Variants in PPP2R2B observed in about 807,000 individuals in gnomAD.
PPP2R2B encodes protein phosphatase 2 regulatory subunit Bbeta.
A neutral mutation model predicts 46.0 loss-of-function variants in PPP2R2B; 5 were observed. That is an observed-to-expected ratio of 0.11 (90% CI 0.06 to 0.23). PPP2R2B has a LOEUF of 0.23. PPP2R2B is among the 10% of genes least tolerant of loss of function. The pLI is 1.00. For synonymous variants in PPP2R2B, 215 were observed against 206.7 expected, an observed-to-expected ratio of 1.04 and a Z score of -0.34; for missense variants, 367 against 575.0, an observed-to-expected ratio of 0.64 and a Z score of 3.70.
intron 1 of PPP2R2B, among the ~76,000 whole-genome samples, chr5:146,982,426 T>A (rs1753219586): frequency 6.6e-6 from 1 of 152,230 alleles, no homozygotes; most frequent in Non-Finnish European, 1.5e-5. Flanking sequence ...TGATTTTAAT[T>A]CTTTAAAATT....
At chr5:146,848,827 G>A (rs1483762334) in intron 2 of PPP2R2B, among the ~76,000 whole-genome samples, 2 of 150,976 alleles carry the variant, frequency 1.3e-5, no homozygotes, top group Non-Finnish European at 2.9e-5. Flanking sequence ...AATTTATCTG[G>A]AGTTCTGCAT....
rs1758793466 is a variant in PPP2R2B, at chr5:146,829,550, T to TGCTGTCATGCTTTAAGGAAGTTTCTG, written c.70+48426_70+48451dup. Among the ~76,000 whole-genome samples, 3 of 152,208 alleles carry TGCTGTCATGCTTTAAGGAAGTTTCTG rather than the reference T, an allele frequency of 2.0e-5. No individual in the cohort carries two copies. In the East Asian group the frequency reaches 5.8e-4, roughly 29 times the overall value. On this transcript the variant is annotated intron_variant, in intron 2 of 9. Transcript: ENST00000394411. ...GGTGGGGCTGTGATGGGGAGCACTC[T>TGCTGTCATGCTTTAAGGAAGTTTCTG]GCTGTCATGCTTTAAGGAAGTTTCT...
chr5:146,777,846 T>C (rs571081634), intron 2 of PPP2R2B, among the ~76,000 whole-genome samples: 9 of 152,302 alleles, frequency 5.9e-5, no homozygotes, highest in African/African-American at 2.2e-4. Flanking sequence ...TTGTATCAGT[T>C]CTACCTAAAC....
Position 147,049,197 on chromosome 5 carries a change from C to T in PPP2R2B, c.79+6468G>A, listed in dbSNP as rs377061539. Among the ~76,000 whole-genome samples, 7 of 151,856 alleles carry T rather than the reference C, an allele frequency of 4.6e-5. No homozygotes were observed. The East Asian group carries it at 7.7e-4, about 17-fold the overall frequency. On this transcript the variant is annotated intron_variant, in intron 1 of 8. Transcript: ENST00000336640. Reference sequence around the variant, plus strand: ...CATTTGAATGATGGATGTGATAAGACGCAATTGGATTCCTGATATTTTTAG... The same window carrying T: ...CATTTGAATGATGGATGTGATAAGATGCAATTGGATTCCTGATATTTTTAG...
Position 147,050,339 on chromosome 5 carries a change from A to G in PPP2R2B, c.79+5326T>C, listed in dbSNP as rs576930676. On this transcript the variant is annotated intron_variant, in intron 1 of 8. Coordinates refer to the PPP2R2B transcript ENST00000336640. ...TGCATTTATAAGATGAGAATGATGG[A>G]TGAGAAAATGAGTAGTCAGGGAAAG... is the stretch of plus-strand genomic sequence containing the variant. 5.3e-5 allele frequency among the ~76,000 whole-genome samples: 8 copies of G among 152,264 alleles called. No homozygotes were observed. In the South Asian group the frequency reaches 1.7e-3, roughly 32 times the overall value.
chr5:146,701,025 T>C lies in PPP2R2B; in HGVS notation c.168+20A>G. ...TTAAAAAGTGAAGAAAATGGGCATT[T>C]TGCATTCACCACCACTTACCTCCTG... On this transcript the variant is annotated intron_variant, in intron 3 of 9. Transcript: ENST00000394411. The C allele has an allele frequency of 6.3e-7, 1 of 1,583,596 alleles. No individual in the cohort carries two copies. Among genetic ancestry groups the C allele is most frequent in the Non-Finnish European group, 8.7e-7 (1 of 1,152,400 alleles).
At position 146,878,644 on chromosome 5, in the gene PPP2R2B, G is replaced by A. The variant is rs1247024085; in HGVS notation, c.-178C>T. 2 of 1,260,688 alleles carry A rather than the reference G, an allele frequency of 1.6e-6. No individual in the cohort carries two copies. Among genetic ancestry groups the A allele is most frequent in the Admixed American group, 2.8e-5 (1 of 36,272 alleles). The allele number at this position is 1,260,688 out of a possible 1,614,324, so 78.1% of individuals were successfully genotyped here. A position where few individuals can be genotyped will look rare whatever the true frequency, so the allele number is the denominator to read the frequency against. On this transcript the variant is annotated 5_prime_UTR_variant, in exon 1 of 10. Coordinates refer to ENST00000394411, the MANE Select transcript of PPP2R2B (RefSeq NM_181675.4). The surrounding 1 kb of genome is among the most constrained non-coding windows in gnomAD (Gnocchi z 4.5). ...GGGAGGGCGGCTCCGGCAGGCGGGG[G>A]TAGGGAAGCTGGCGGGGAGCTGGGC...
In PPP2R2B at chr5:146,739,368, A is replaced by G. The variant is rs541083650; in HGVS notation, c.71-38226T>C. On this transcript the variant is annotated intron_variant, in intron 2 of 9. Transcript: ENST00000394411. ...AGAGAAATTAGGGGAAGCATCGTGG[A>G]GAAAGCATTCCAAACCCAGTGTTAA... 3.3e-5 allele frequency among the ~76,000 whole-genome samples: 5 copies of G among 152,304 alleles called. No individual in the cohort carries two copies. In the East Asian group the frequency reaches 9.7e-4, roughly 29 times the overall value.
At chr5:146,883,147 C>G (rs1415722955), upstream of PPP2R2B, among the ~76,000 whole-genome samples, 1 of 152,300 alleles carries the variant, frequency 6.6e-6, no homozygotes, top group South Asian at 2.1e-4. Flanking sequence ...GTTTGTGTCC[C>G]AGCTCAGGCA....
intron 8 of PPP2R2B, among the ~76,000 whole-genome samples, chr5:146,596,013 T>A (rs1327364826): frequency 2.6e-5 from 4 of 152,178 alleles, no homozygotes; most frequent in Non-Finnish European, 5.9e-5. Context: ...GTTGACAAAC[T>A]TTTTCTCCAA....
In PPP2R2B at chr5:146,958,275, C is replaced by T. The variant is rs530152805; in HGVS notation, c.79+97390G>A. Among the ~76,000 whole-genome samples, 34 of 152,196 alleles carry T rather than the reference C, an allele frequency of 2.2e-4. No individual in the cohort carries two copies. In the South Asian group the frequency reaches 6.6e-3, roughly 30 times the overall value. On this transcript the variant is annotated intron_variant, in intron 1 of 8. Transcript: ENST00000336640. Reference sequence around the variant, plus strand: ...CTAGCCCTTATCTGGGTCCTTGGAGCCCTTTACTCTATTGAATTGTCTTGA... The same window carrying T: ...CTAGCCCTTATCTGGGTCCTTGGAGTCCTTTACTCTATTGAATTGTCTTGA...
At chr5:146,768,476 G>T (rs1464332054) in intron 2 of PPP2R2B, among the ~76,000 whole-genome samples, 1 of 152,080 alleles carries the variant, frequency 6.6e-6, no homozygotes, top group East Asian at 1.9e-4. Context: ...TCACTCCCCA[G>T]CTCAGACCAA....
intron 2 of PPP2R2B, among the ~76,000 whole-genome samples, chr5:146,865,835 C>T (rs1761280692): frequency 6.6e-6 from 1 of 152,152 alleles, no homozygotes; most frequent in South Asian, 2.1e-4. Flanking sequence ...ATGAGGAAAG[C>T]CATTGCCACC....
chr5:146,674,889 A>G (rs1777603765), intron 5 of PPP2R2B, among the ~76,000 whole-genome samples: 1 of 152,206 alleles, frequency 6.6e-6, no homozygotes, highest in Non-Finnish European at 1.5e-5. Flanking sequence ...GTAGTTACTC[A>G]GTGTTGGCGC....
intron 2 of PPP2R2B, chr5:146,751,100 T>C (rs1753529045): frequency 6.6e-6 from 1 of 152,218 alleles, no homozygotes; most frequent in South Asian, 2.1e-4. Context: ...GGAACCAAGC[T>C]GTAAGCACAT....
At chr5:146,725,497 C>T (rs776702862) in intron 2 of PPP2R2B, among the ~76,000 whole-genome samples, 1 of 152,100 alleles carries the variant, frequency 6.6e-6, no homozygotes, top group South Asian at 2.1e-4. Flanking sequence ...GGAAAGCCTG[C>T]CTTAGAAGAT....
Position 146,878,376 on chromosome 5 carries a change from G to A in PPP2R2B, c.-124-181C>T. 1 of 1,432,786 alleles carries A rather than the reference G, an allele frequency of 7.0e-7. No individual in the cohort carries two copies. The allele number at this position is 1,432,786 out of a possible 1,614,324, so 88.8% of individuals were successfully genotyped here. On this transcript the variant is annotated intron_variant, in intron 1 of 9. Coordinates refer to ENST00000394411, the MANE Select transcript of PPP2R2B (RefSeq NM_181675.4). The surrounding 1 kb of genome is among the most constrained non-coding windows in gnomAD (Gnocchi z 4.5). ...CCGCTGCCTCCGGGTGCCAAGATAC[G>A]CCGTGCCCCGAGGGGTCTGGTCCCG... is the stretch of plus-strand genomic sequence containing the variant.
chr5:146,676,566 A>G (rs1257273584), intron 5 of PPP2R2B, among the ~76,000 whole-genome samples: 1 of 152,112 alleles, frequency 6.6e-6, no homozygotes, highest in Non-Finnish European at 1.5e-5. Flanking sequence ...TGCTCAGGAA[A>G]TTATCCTCTG....
intron 6 of PPP2R2B, among the ~76,000 whole-genome samples, chr5:146,645,652 G>A (rs17104961): frequency 0.065 from 9,901 of 152,208 alleles, 446 homozygotes; most frequent in East Asian, 0.21. Flanking sequence ...TTAGGGAATC[G>A]ACTCTAACAG....
Sources: gnomAD v4.1 joint callset for allele counts (sites outside exome capture counted in the v4.1 genomes callset) on GRCh38, gnomAD v4.1.1 for gene constraint, Gnocchi (gnomAD v3.1) non-coding constraint, MANE v1.5 for transcripts, NCBI Gene and HGNC (gene_info 2026-07-23, HGNC 2026-07-21) for gene names.